KLF8: variants seen among roughly 807,000 people sequenced by gnomAD.
KLF8 encodes the protein KLF transcription factor 8.
Under a neutral mutation model 18.2 loss-of-function variants are expected in KLF8, and 10 were observed. That is an observed-to-expected ratio of 0.55 (90% CI 0.34 to 0.93). KLF8 has a LOEUF of 0.93. Among genes scored for constraint, KLF8 ranks in the 40% least tolerant of loss-of-function variants. The probability of loss-of-function intolerance (pLI) is 0.02; values close to 1 mark genes in which losing one functional copy is unlikely to be tolerated. For missense variants in KLF8, 264 were observed against 277.9 expected, an observed-to-expected ratio of 0.95 and a Z score of 0.36; for synonymous variants, 109 against 97.3, an observed-to-expected ratio of 1.12 and a Z score of -0.71.
chrX:56,026,619 C>G, the KLF8 span, among the ~76,000 whole-genome samples: 1 of 111,744 alleles, frequency 8.9e-6, no homozygotes, highest in Non-Finnish European at 1.9e-5. Flanking sequence ...ACTCTGAGGT[C>G]GGTAGGCAGC....
At chrX:56,095,726 A>T in the KLF8 span, among the ~76,000 whole-genome samples, 1 of 111,905 alleles carries the variant, frequency 8.9e-6, no homozygotes, top group Non-Finnish European at 1.9e-5. Context: ...ATCATCAGAG[A>T]AATGAAAGTT....
At chrX:56,201,923 A>T in the KLF8 span, among the ~76,000 whole-genome samples, 2 of 111,864 alleles carry the variant, frequency 1.8e-5, no homozygotes, top group Admixed American at 1.9e-4. Flanking sequence ...CAAGTGGAAC[A>T]GCATGGAGCC....
chrX:56,176,209 A>C, the KLF8 span, among the ~76,000 whole-genome samples: 3 of 111,836 alleles, frequency 2.7e-5, no homozygotes, highest in Admixed American at 9.5e-5. Flanking sequence ...CATGGTCTTT[A>C]CAATTTGGCA....
the KLF8 span, among the ~76,000 whole-genome samples, chrX:56,161,813 C>T: frequency 7.0e-4 from 78 of 111,898 alleles, no homozygotes; most frequent in Middle Eastern, 4.6e-3. Context: ...TTGCTGGTGA[C>T]GAGCTGCATT....
At chrX:56,159,008 A>G in the KLF8 span, among the ~76,000 whole-genome samples, 2 of 111,728 alleles carry the variant, frequency 1.8e-5, no homozygotes, top group African/African-American at 6.5e-5. Context: ...ATTCAGTATG[A>G]TATTGGATGT....
At chrX:56,158,322 G>A in the KLF8 span, among the ~76,000 whole-genome samples, 774 of 111,860 alleles carry the variant, frequency 6.9e-3, 4 homozygotes, top group Non-Finnish European at 0.01. Flanking sequence ...GTCAGGTAGT[G>A]TGATGCCTCC....
intron 1 of KLF8, among the ~76,000 whole-genome samples, chrX:56,242,297 C>T (rs964544117): frequency 2.7e-5 from 3 of 112,115 alleles, no homozygotes; most frequent in Non-Finnish European, 3.8e-5. Context: ...AGAACATGAA[C>T]TCATAGGAGA....
the KLF8 span, among the ~76,000 whole-genome samples, chrX:56,193,771 A>T: frequency 1.8e-5 from 2 of 111,561 alleles, no homozygotes; most frequent in African/African-American, 6.5e-5. Context: ...AAATTGAAGC[A>T]GTTGAACTCA....
intron 5 of KLF8, among the ~76,000 whole-genome samples, chrX:56,271,340 T>A (rs1489357035): frequency 9.0e-6 from 1 of 110,988 alleles, no homozygotes; most frequent in Non-Finnish European, 1.9e-5. Flanking sequence ...TGATTTTGAA[T>A]GTTGGCTTCT....
the KLF8 span, among the ~76,000 whole-genome samples, chrX:56,128,646 AGCT>A: frequency 1.2e-4 from 13 of 111,873 alleles, no homozygotes; most frequent in African/African-American, 4.2e-4. Context: ...TTTACTTCAG[AGCT>A]GCTTTTAAAG....
chrX:55,938,999 T>G, the KLF8 span, among the ~76,000 whole-genome samples: 1 of 111,654 alleles, frequency 9.0e-6, no homozygotes, highest in Non-Finnish European at 1.9e-5. Flanking sequence ...GTCTAGGAAA[T>G]GAACTCAGCT....
the KLF8 span, among the ~76,000 whole-genome samples, chrX:56,138,139 T>A: frequency 3.8e-5 from 4 of 105,440 alleles, no homozygotes; most frequent in African/African-American, 1.4e-4. Context: ...CAGGAAGGAA[T>A]TGATACCCTA....
chrX:56,074,400 A>G, the KLF8 span, among the ~76,000 whole-genome samples: 1 of 111,018 alleles, frequency 9.0e-6, no homozygotes, highest in African/African-American at 3.3e-5. Flanking sequence ...CCTCTATGTG[A>G]TCTTCTAAGA....
the KLF8 span, among the ~76,000 whole-genome samples, chrX:56,128,259 G>A: frequency 6.2e-5 from 7 of 112,173 alleles, no homozygotes; most frequent in African/African-American, 2.3e-4. Flanking sequence ...AGTTCTGATA[G>A]ACTGAAAGAA....
intron 1 of KLF8, among the ~76,000 whole-genome samples, chrX:56,240,359 A>G (rs1378954159): frequency 8.9e-6 from 1 of 112,162 alleles, no homozygotes; most frequent in Non-Finnish European, 1.9e-5. Context: ...TGCACAAAAC[A>G]TGGATGAGGA....
the KLF8 span, among the ~76,000 whole-genome samples, chrX:56,108,143 A>G: frequency 8.9e-6 from 1 of 111,847 alleles, no homozygotes; most frequent in Non-Finnish European, 1.9e-5. Flanking sequence ...GGATTATATC[A>G]TCTGCAGATA....
At chrX:56,063,585 T>A in the KLF8 span, among the ~76,000 whole-genome samples, 1 of 111,572 alleles carries the variant, frequency 9.0e-6, no homozygotes. Context: ...CTCTCCTGTA[T>A]GAGATGTCCC....
chrX:56,227,914 CACA>C (rs1569170572), upstream of KLF8, among the ~76,000 whole-genome samples: 106 of 108,630 alleles, frequency 9.8e-4, no homozygotes, highest in African/African-American at 3.5e-3. Context: ...CACACACACA[CACA>C]CCTAGTCAAG....
At chrX:56,034,878 C>G in the KLF8 span, among the ~76,000 whole-genome samples, 1 of 102,881 alleles carries the variant, frequency 9.7e-6, no homozygotes, top group African/African-American at 3.5e-5. Flanking sequence ...GCCTCAGCCT[C>G]CCGAGTAGCT....
Sources: gnomAD v4.1 joint callset for allele counts (sites outside exome capture counted in the v4.1 genomes callset) on GRCh38, gnomAD v4.1.1 for gene constraint, MANE v1.5 for transcripts, NCBI Gene and HGNC (gene_info 2026-07-23, HGNC 2026-07-21) for gene names.